Variants in ABLIM3 observed in about 807,000 individuals in gnomAD.
ABLIM3 encodes actin-binding LIM protein 3.
A neutral mutation model predicts 109.5 loss-of-function variants in ABLIM3; 61 were observed. The ratio of observed to expected loss-of-function variants is 0.56; its 90% CI spans 0.45 to 0.69. The LOEUF (loss-of-function observed/expected upper bound fraction) is 0.69. ABLIM3 is among the 30% of genes least tolerant of loss of function. ABLIM3 has a pLI of 0.00. For synonymous variants in ABLIM3, 300 were observed against 324.8 expected (o/e 0.92, Z 0.82); for missense variants, 796 against 889.5 (o/e 0.89, Z 1.34).
At chr5:149,186,532 T>A (rs562982328) in intron 3 of ABLIM3, among the ~76,000 whole-genome samples, 36 of 152,128 alleles carry the variant, frequency 2.4e-4, no homozygotes, top group Admixed American at 2.4e-3. Context: ...TTTATAACAA[T>A]ATATAAAATA....
At chr5:149,158,966 TAC>T (rs1224120475) in intron 2 of ABLIM3, among the ~76,000 whole-genome samples, 1 of 152,146 alleles carries the variant, frequency 6.6e-6, no homozygotes, top group Non-Finnish European at 1.5e-5. Context: ...GGAAAACTGA[TAC>T]AGTTTTATAA....
intron 6 of ABLIM3, among the ~76,000 whole-genome samples, chr5:149,209,719 G>A (rs749535061): frequency 6.6e-6 from 1 of 152,208 alleles, no homozygotes; most frequent in East Asian, 1.9e-4. Flanking sequence ...GGGGAGGAGG[G>A]AGGAGTTGAA....
intron 23 of ABLIM3, among the ~76,000 whole-genome samples, chr5:149,255,568 G>A (rs907207675): frequency 2.6e-4 from 40 of 152,198 alleles, no homozygotes; most frequent in African/African-American, 9.4e-4. Context: ...ATCAGATTTG[G>A]TCTCATTGGA....
intron 2 of ABLIM3, among the ~76,000 whole-genome samples, chr5:149,175,099 G>A (rs1054896398): frequency 1.3e-5 from 2 of 152,168 alleles, no homozygotes; most frequent in Admixed American, 6.5e-5. Context: ...ATTCCAAAGT[G>A]GAAAAAATGC....
chr5:149,185,118 T>C (rs2127477646), intron 3 of ABLIM3, among the ~76,000 whole-genome samples: 1 of 152,364 alleles, frequency 6.6e-6, no homozygotes, highest in East Asian at 1.9e-4. Flanking sequence ...ATGTATCAGT[T>C]ACCTTTTACT....
intron 3 of ABLIM3, among the ~76,000 whole-genome samples, chr5:149,186,014 T>G (rs1365794864): frequency 6.6e-6 from 1 of 152,220 alleles, no homozygotes; most frequent in Admixed American, 6.5e-5. Context: ...GAGACCTATG[T>G]ATAAAGCTGT....
intron 2 of ABLIM3, among the ~76,000 whole-genome samples, chr5:149,178,874 C>A (rs184295508): frequency 8.9e-4 from 135 of 152,240 alleles, no homozygotes; most frequent in Admixed American, 6.0e-3. Context: ...TTTGTTCAAC[C>A]TCTTCCAAAG....
At chr5:149,182,252 C>T (rs537872542) in intron 2 of ABLIM3, among the ~76,000 whole-genome samples, 38 of 152,154 alleles carry the variant, frequency 2.5e-4, no homozygotes, top group Non-Finnish European at 1.5e-4. Context: ...CATATATAAA[C>T]GATAGGTACC....
At chr5:149,226,567 G>A (rs182480878) in intron 8 of ABLIM3, among the ~76,000 whole-genome samples, 67 of 152,284 alleles carry the variant, frequency 4.4e-4, no homozygotes, top group African/African-American at 1.5e-3. Context: ...CAATGCCCAC[G>A]TCAAGGAGTG....
chr5:149,199,054 G>A, intron 4 of ABLIM3: 1 of 456,640 alleles, frequency 2.2e-6, no homozygotes, highest in Non-Finnish European at 4.4e-6. Context: ...GACATCTCCA[G>A]GGATGGAGAG....
At chr5:149,161,594 C>A (rs1754377027) in intron 2 of ABLIM3, among the ~76,000 whole-genome samples, 1 of 152,166 alleles carries the variant, frequency 6.6e-6, no homozygotes. Context: ...CAGAGTGCCT[C>A]TTTGGTTAGA....
chr5:149,206,226 A>C (rs1056126047), intron 5 of ABLIM3, among the ~76,000 whole-genome samples: 2 of 152,170 alleles, frequency 1.3e-5, no homozygotes, highest in African/African-American at 4.8e-5. Context: ...TCTTGGCCCC[A>C]ACTCACATTC....
intron 12 of ABLIM3, 128 bp from the exon 13 acceptor site, chr5:149,239,631 G>T (rs1561624259): frequency 7.6e-7 from 1 of 1,308,478 alleles, no homozygotes; most frequent in Admixed American, 2.4e-5. Context: ...GGAGGAGGGG[G>T]GTCTCTGTAT....
chr5:149,252,093 C>A (rs772258320), intron 21 of ABLIM3, 108 bp from the exon 22 acceptor site: 90 of 1,282,820 alleles, frequency 7.0e-5, no homozygotes, highest in Non-Finnish European at 8.7e-5. Context: ...GAGAAGGAGA[C>A]AATAGAGGCC....
chr5:149,245,873 CT>C (rs1753302448), intron 16 of ABLIM3, among the ~76,000 whole-genome samples: 1 of 152,176 alleles, frequency 6.6e-6, no homozygotes, highest in Non-Finnish European at 1.5e-5. Flanking sequence ...TCAGAGATGA[CT>C]CTTTGGTGCT....
At chr5:149,149,502 G>A (rs148455118) in intron 2 of ABLIM3, among the ~76,000 whole-genome samples, 1 of 152,150 alleles carries the variant, frequency 6.6e-6, no homozygotes, top group African/African-American at 2.4e-5. Context: ...CATAGCTCCC[G>A]GGAAGCCTAC....
At chr5:149,210,636 A>G in intron 6 of ABLIM3, 90 bp from the exon 7 acceptor site, 2 of 1,098,616 alleles carry the variant, frequency 1.8e-6, no homozygotes, top group East Asian at 2.4e-5. Context: ...GGCTCAGTCA[A>G]CATAGGCTGC....
chr5:149,183,891 T>G (rs1360773232), intron 3 of ABLIM3, among the ~76,000 whole-genome samples: 3 of 151,950 alleles, frequency 2.0e-5, no homozygotes, highest in Non-Finnish European at 2.9e-5. Context: ...TGCCTATAAA[T>G]CAGTGTGAGA....
At chr5:149,254,020 GC>G (rs1754207468) in intron 23 of ABLIM3, among the ~76,000 whole-genome samples, 1 of 152,118 alleles carries the variant, frequency 6.6e-6, no homozygotes, top group Non-Finnish European at 1.5e-5. Context: ...ACAGGGGAAC[GC>G]CCTTTATAAA....
Sources: gnomAD v4.1 joint callset for allele counts (sites outside exome capture counted in the v4.1 genomes callset) on GRCh38, gnomAD v4.1.1 for gene constraint, MANE v1.5 for transcripts, NCBI Gene and HGNC (gene_info 2026-07-23, HGNC 2026-07-21) for gene names.